Variants in GGNBP2 observed in about 807,000 individuals in gnomAD.
The protein encoded by GGNBP2 is gametogenetin binding protein 2.
GGNBP2 carries 10 observed loss-of-function variants against 85.9 expected under a neutral mutation model. The observed-to-expected ratio is 0.12, with a 90% CI of 0.07 to 0.20. The LOEUF is 0.20. Ranked by LOEUF, GGNBP2 falls within the 10% of genes least tolerant of loss-of-function variation. The pLI is 1.00. For synonymous variants in GGNBP2, 287 were observed against 285.7 expected (o/e 1.00, Z -0.05); for missense variants, 595 against 857.8 (o/e 0.69, Z 3.83).
intron 4 of GGNBP2, among the ~76,000 whole-genome samples, chr17:36,559,967 TG>T (rs2074401164): frequency 6.6e-6 from 1 of 152,152 alleles, no homozygotes; most frequent in Non-Finnish European, 1.5e-5. Context: ...CCTGAGAAGC[TG>T]GGATTACAGG....
At chr17:36,559,228 C>T (rs915573821) in intron 4 of GGNBP2, among the ~76,000 whole-genome samples, 5 of 133,994 alleles carry the variant, frequency 3.7e-5, no homozygotes, top group Admixed American at 2.7e-4. Context: ...ACCCGGGAGG[C>T]GGAGGTTGCA....
chr17:36,583,120 C>G (rs2074667442), intron 9 of GGNBP2, among the ~76,000 whole-genome samples: 1 of 151,788 alleles, frequency 6.6e-6, no homozygotes, highest in African/African-American at 2.4e-5. Flanking sequence ...GTGGCATGAT[C>G]TCGGCTCACT....
intron 12 of GGNBP2, chr17:36,586,474 G>A: frequency 2.4e-6 from 1 of 424,742 alleles, no homozygotes; most frequent in Non-Finnish European, 4.3e-6. Flanking sequence ...AATTTGTTTA[G>A]TCCCTATCAT....
At chr17:36,556,247 A>G (rs896419228) in intron 3 of GGNBP2, among the ~76,000 whole-genome samples, 2 of 152,180 alleles carry the variant, frequency 1.3e-5, no homozygotes, top group Non-Finnish European at 2.9e-5. Flanking sequence ...TTACTTCCCT[A>G]CATAAGGAAG....
Position 36,581,733 on chromosome 17 carries a change from T to G in GGNBP2, c.1215+195T>G, listed in dbSNP as rs1599547597. 17 of 367,648 alleles carry G rather than the reference T, an allele frequency of 4.6e-5. No individual in the cohort carries two copies. The East Asian group carries it at 6.9e-4, about 15-fold the overall frequency. 22.8% of individuals were successfully genotyped at this position (367,648 alleles called of 1,614,324 possible). On this transcript the variant is annotated intron_variant, in intron 9 of 13. Transcript: ENST00000613102. ...TCTATCTCTATTTATTTTATTTTAT[T>G]TTTTTAATAAAAATAAAAAGTACAG...
intron 11 of GGNBP2, 39 bp from the exon 12 acceptor site, chr17:36,586,011 C>G (rs780619174): frequency 6.2e-7 from 1 of 1,613,634 alleles, no homozygotes; most frequent in Admixed American, 1.7e-5. Flanking sequence ...ACATGGCTGA[C>G]TTAAGAACAT....
intron 2 of GGNBP2, chr17:36,547,657 AACTT>A (rs1348213738): frequency 2.0e-5 from 3 of 152,354 alleles, no homozygotes; most frequent in East Asian, 1.9e-4. Context: ...TTTAGTATGG[AACTT>A]ACTTTGCACT....
chr17:36,575,412 C>T, intron 6 of GGNBP2: 1 of 236,090 alleles, frequency 4.2e-6, no homozygotes, highest in Non-Finnish European at 8.4e-6. Flanking sequence ...ATCACTTAGT[C>T]CAGTGTCATG....
chr17:36,587,990 G>A (rs1027051658), intron 13 of GGNBP2, among the ~76,000 whole-genome samples: 1 of 152,250 alleles, frequency 6.6e-6, no homozygotes, highest in East Asian at 1.9e-4. Flanking sequence ...CCTCCTTGAA[G>A]TAGGTTACTG....
rs1192511795 is a variant in GGNBP2, at chr17:36,589,318, G to A, written c.2001G>A (p.Gln667=). 1.9e-6 allele frequency: 3 copies of A among 1,613,536 alleles called. No homozygotes were observed. The highest frequency in any genetic ancestry group is 2.2e-5 in the South Asian group (2 of 91,072). ...ACAGCAATAGAGAACAATACCGACAGCATCTGAAGGAGAAATTTAATAAAT... is the reference window on the plus strand; with the variant it reads ...ACAGCAATAGAGAACAATACCGACAACATCTGAAGGAGAAATTTAATAAAT... ...SFYSNREQYR[Q]HLKEKFNKYC... Residue 667 remains glutamine (Q), a synonymous_variant, in exon 14 of 14, where the codon CAG becomes CAA. Transcript: ENST00000613102.
intron 9 of GGNBP2, among the ~76,000 whole-genome samples, chr17:36,583,322 G>A (rs1170997810): frequency 2.0e-5 from 3 of 152,104 alleles, no homozygotes; most frequent in Non-Finnish European, 2.9e-5. Context: ...AAAGTGCTGG[G>A]ATTACAGGTG....
chr17:36,568,358 G>A (rs2074488979), intron 6 of GGNBP2, among the ~76,000 whole-genome samples: 1 of 151,710 alleles, frequency 6.6e-6, no homozygotes, highest in African/African-American at 2.4e-5. Context: ...GTGCAGTAGC[G>A]AGACCTCGGA....
intron 4 of GGNBP2, among the ~76,000 whole-genome samples, chr17:36,560,378 T>C (rs1035416468): frequency 3.3e-5 from 5 of 152,230 alleles, no homozygotes; most frequent in East Asian, 3.8e-4. Flanking sequence ...ATGACTCCTC[T>C]TCAAGGATGT....
chr17:36,581,453 G>A lies in GGNBP2; in HGVS notation c.1130G>A (p.Arg377Gln). The change falls in exon 9 of 14, where the codon CGG becomes CAG. Residue 377 changes from arginine (R) to glutamine (Q), a missense_variant. By Grantham distance (43) the Arg-to-Gln change is conservative (BLOSUM62 1). Around this residue, in one of 9 missense-constraint regions of GGNBP2, gnomAD observed 92 missense variants for 183.9 expected, o/e 0.50. Transcript: ENST00000613102. ...AAGCAAGAAAAGAAACGCCAAAAAC[G>A]GAAGAATAGACGAAAAAATAAGTGT... ...ELKQEKKRQK[R>Q]KNRRKNKCVC... The A allele has an allele frequency of 6.2e-7, 1 of 1,613,784 alleles. No homozygotes were observed. The highest frequency in any genetic ancestry group is 8.5e-7 in the Non-Finnish European group (1 of 1,179,758).
intron 12 of GGNBP2, 62 bp from the exon 13 acceptor site, chr17:36,586,935 T>TTAA: frequency 8.2e-7 from 1 of 1,215,636 alleles, no homozygotes. Flanking sequence ...TTTTTTTTTT[T>TTAA]AAAGAATAAT....
rs1210650041 is a variant in GGNBP2 at position 36,572,515 on chromosome 17, C to T, written c.641+4739C>T. On this transcript the variant is annotated intron_variant, in intron 6 of 13. Transcript: ENST00000613102. ...ACTAGCCTGGGCAACATGGCCAAAC[C>T]CTGTCTCTCCAAAGAATACAAATAT... Among the ~76,000 whole-genome samples the T allele has an allele frequency of 1.2e-4, 19 of 152,138 alleles. 1 individual carries two copies. Among genetic ancestry groups the T allele is most frequent in the Admixed American group, 1.2e-3 (19 of 15,272 alleles).
Position 36,585,312 on chromosome 17 carries a change from A to T in GGNBP2, c.1228A>T (p.Ile410Leu), listed in dbSNP as rs1353120255. The change falls in exon 10 of 14, where the codon ATA becomes TTA. Residue 410 changes from isoleucine (I) to leucine (L), a missense_variant. Ile to Leu is a conservative substitution (Grantham distance 5). This residue lies in a region of GGNBP2 where 85 missense variants were observed against 92.6 expected (regional missense o/e 0.92). Transcript: ENST00000613102. The part of the protein sequence containing the change: ...EVSQEKETDF[I>L]ENSSCKACGS... The stretch of plus-strand genomic sequence containing the variant: ...TTGATCCTTAAAGGAAACAGACTTC[A>T]TAGAAAATAGCAGCTGCAAAGCCTG... 1.9e-6 allele frequency: 3 copies of T among 1,612,158 alleles called. No homozygotes were observed. The highest frequency in any genetic ancestry group is 2.2e-5 in the East Asian group (1 of 44,820).
chr17:36,549,082 T>C (rs1280793044), intron 2 of GGNBP2, among the ~76,000 whole-genome samples: 1 of 152,162 alleles, frequency 6.6e-6, no homozygotes, highest in Admixed American at 6.5e-5. Context: ...TCCAAATAAG[T>C]TGGTGGAATG....
chr17:36,576,667 A>G (rs916474119), intron 6 of GGNBP2: 20 of 135,092 alleles, frequency 1.5e-4, no homozygotes, highest in African/African-American at 5.2e-4. Context: ...ATGTATATAT[A>G]TGTGTATATA....
Sources: gnomAD v4.1 joint callset for allele counts (sites outside exome capture counted in the v4.1 genomes callset) on GRCh38, gnomAD v4.1.1 for gene constraint, gnomAD v4.1.1 regional missense constraint, MANE v1.5 for transcripts, NCBI Gene and HGNC (gene_info 2026-07-23, HGNC 2026-07-21) for gene names.